The following MEGF11 variants were observed in gnomAD, a reference collection of about 807,000 sequenced individuals.
The protein encoded by MEGF11 is multiple EGF like domains 11.
MEGF11 carries 126 observed loss-of-function variants against 146.6 expected under a neutral mutation model. The ratio of observed to expected loss-of-function variants is 0.86; its 90% CI spans 0.74 to 1.00. The LOEUF (loss-of-function observed/expected upper bound fraction) is 1.00. Among genes scored for constraint, MEGF11 ranks in the 50% least tolerant of loss-of-function variants. MEGF11 has a pLI of 0.00. For synonymous variants in MEGF11, 532 were observed against 583.4 expected (o/e 0.91, Z 1.27); for missense variants, 1,509 against 1,521.2 (o/e 0.99, Z 0.13).
intron 4 of MEGF11, among the ~76,000 whole-genome samples, chr15:66,118,162 G>A (rs1037932581): frequency 4.0e-5 from 6 of 151,718 alleles, no homozygotes; most frequent in African/African-American, 1.5e-4. Flanking sequence ...CAGCTCCTCT[G>A]ACACTCTCCT....
chr15:65,995,490 G>A (rs1427370421), intron 5 of MEGF11, among the ~76,000 whole-genome samples: 1 of 152,164 alleles, frequency 6.6e-6, no homozygotes, highest in Admixed American at 6.5e-5. Flanking sequence ...GTTGCTAAAC[G>A]TTTACTCTCA....
At chr15:66,144,170 T>C (rs1176344917) in intron 1 of MEGF11, among the ~76,000 whole-genome samples, 3 of 152,126 alleles carry the variant, frequency 2.0e-5, no homozygotes, top group Non-Finnish European at 2.9e-5. Context: ...CTGACGAACA[T>C]TTTTCAACTC....
intron 9 of MEGF11, among the ~76,000 whole-genome samples, chr15:65,957,971 G>A (rs138620299): frequency 9.1e-4 from 138 of 152,260 alleles, no homozygotes; most frequent in African/African-American, 3.1e-3. Context: ...AGTCAAGAGC[G>A]GGATTAGAAC....
chr15:66,165,197 G>A (rs556018558), intron 1 of MEGF11, among the ~76,000 whole-genome samples: 9 of 152,310 alleles, frequency 5.9e-5, no homozygotes, highest in East Asian at 1.9e-4. Flanking sequence ...GCCTGGACTT[G>A]GCATCTGGCA....
At chr15:66,046,842 C>T (rs2084225071) in intron 5 of MEGF11, among the ~76,000 whole-genome samples, 1 of 152,150 alleles carries the variant, frequency 6.6e-6, no homozygotes, top group African/African-American at 2.4e-5. Context: ...TCCCCTCTGC[C>T]CAAGGCTCAC....
rs1337158891 is a variant in MEGF11, at chr15:66,104,301, T to A, written c.302-9807A>T. On this transcript the variant is annotated intron_variant, in intron 4 of 25. Coordinates refer to ENST00000395614, the MANE Select transcript of MEGF11 (RefSeq NM_001385028.1). ...TGCCCACCCCAGCCAAGCAGTTAAG[T>A]CTTTAGAAGAAACTGTGAAGGCCTG... Among the ~76,000 whole-genome samples the A allele has an allele frequency of 2.0e-5, 3 of 152,186 alleles. No individual in the cohort carries two copies. In the East Asian group the frequency reaches 5.8e-4, roughly 29 times the overall value.
chr15:66,002,859 A>T (rs2082406027), intron 5 of MEGF11, among the ~76,000 whole-genome samples: 1 of 152,204 alleles, frequency 6.6e-6, no homozygotes, highest in Non-Finnish European at 1.5e-5. Flanking sequence ...CAGCTAGTCC[A>T]GTTCTCCCTT....
intron 1 of MEGF11, among the ~76,000 whole-genome samples, chr15:66,177,662 C>T (rs1174565150): frequency 2.0e-5 from 3 of 151,604 alleles, no homozygotes; most frequent in Admixed American, 2.0e-4. Flanking sequence ...CCCCCTTCCC[C>T]AATTCCATTG....
At chr15:66,195,193 A>T (rs1275115621) in intron 1 of MEGF11, among the ~76,000 whole-genome samples, 1 of 152,080 alleles carries the variant, frequency 6.6e-6, no homozygotes, top group Non-Finnish European at 1.5e-5. Context: ...GTCATATTGG[A>T]TTTAGGGCCC....
chr15:66,000,126 G>A (rs945540132), intron 5 of MEGF11, among the ~76,000 whole-genome samples: 1 of 152,192 alleles, frequency 6.6e-6, no homozygotes, highest in Non-Finnish European at 1.5e-5. Context: ...CTTGGTGAAG[G>A]GCAGCTTAGG....
At chr15:66,178,104 C>T (rs1202223333) in intron 1 of MEGF11, among the ~76,000 whole-genome samples, 1 of 152,202 alleles carries the variant, frequency 6.6e-6, no homozygotes, top group African/African-American at 2.4e-5. Flanking sequence ...AGCAATCCTA[C>T]CTCAGTCTCC....
chr15:66,171,578 G>A (rs774965669), intron 1 of MEGF11, among the ~76,000 whole-genome samples: 4 of 152,058 alleles, frequency 2.6e-5, no homozygotes, highest in Non-Finnish European at 5.9e-5. Flanking sequence ...CCCTGTGCAC[G>A]TCTCCAGAGG....
At chr15:66,047,035 A>C (rs2084235885) in intron 5 of MEGF11, among the ~76,000 whole-genome samples, 1 of 152,202 alleles carries the variant, frequency 6.6e-6, no homozygotes, top group Non-Finnish European at 1.5e-5. Flanking sequence ...CATCCCATGA[A>C]GTTCACCTCT....
At chr15:65,909,884 A>G in intron 21 of MEGF11, 78 bp from the exon 22 acceptor site, 1 of 1,239,488 alleles carries the variant, frequency 8.1e-7, no homozygotes, top group Non-Finnish European at 1.1e-6. Flanking sequence ...GCGTAGCTTC[A>G]GTGCACACAC....
intron 1 of MEGF11, among the ~76,000 whole-genome samples, chr15:66,192,397 G>A (rs1457558868): frequency 6.6e-6 from 1 of 151,718 alleles, no homozygotes; most frequent in Non-Finnish European, 1.5e-5. Context: ...TTGAACTGAG[G>A]AGATGGAGGT....
At chr15:66,205,240 C>A (rs1276183080) in intron 1 of MEGF11, among the ~76,000 whole-genome samples, 1 of 151,866 alleles carries the variant, frequency 6.6e-6, no homozygotes, top group Admixed American at 6.6e-5. Context: ...TAGGAGTTTG[C>A]GATCAGCCTG....
intron 1 of MEGF11, among the ~76,000 whole-genome samples, chr15:66,212,791 G>C (rs576264026): frequency 0.012 from 1 of 82 alleles, no homozygotes; most frequent in Non-Finnish European, 0.021. Context: ...TCCTGCCAGG[G>C]ACTCCCCCCC....
At chr15:65,917,063 T>C in intron 16 of MEGF11, 107 bp from the exon 17 acceptor site, 1 of 1,232,512 alleles carries the variant, frequency 8.1e-7, no homozygotes, top group South Asian at 1.7e-5. Context: ...AAGATGGACC[T>C]GGCTGACATT....
At chr15:66,144,209 C>T (rs537119756) in intron 1 of MEGF11, among the ~76,000 whole-genome samples, 8 of 152,232 alleles carry the variant, frequency 5.3e-5, no homozygotes, top group South Asian at 2.1e-4. Context: ...TCCCAGCCAA[C>T]GAGGTGGGAG....
Sources: allele counts gnomAD v4.1 joint callset (sites outside exome capture counted in the v4.1 genomes callset), GRCh38; gene constraint gnomAD v4.1.1; transcripts MANE v1.5; gene names NCBI Gene and HGNC (gene_info 2026-07-23, HGNC 2026-07-21).